DEF8: variants seen among roughly 807,000 people sequenced by gnomAD.
DEF8 encodes DEF-8.
A neutral mutation model predicts 59.1 loss-of-function variants in DEF8; 38 were observed. The observed-to-expected ratio is 0.64, with a 90% CI of 0.50 to 0.84. The LOEUF is 0.84. Among genes scored for constraint, DEF8 ranks in the 40% least tolerant of loss-of-function variants. The pLI is 0.00. For missense variants in DEF8, 557 were observed against 615.2 expected, an observed-to-expected ratio of 0.91 and a Z score of 1.00; for synonymous variants, 265 against 250.1, an observed-to-expected ratio of 1.06 and a Z score of -0.56.
At chr16:89,958,629 C>T in intron 5 of DEF8, 1 of 219,484 alleles carries the variant, frequency 4.6e-6, no homozygotes, top group Non-Finnish European at 9.3e-6. Flanking sequence ...TGGTCTGGGG[C>T]CTCTATGACA....
At chr16:89,964,128 C>T (rs778723799) in intron 10 of DEF8, 42 bp from the exon 11 acceptor site, 8 of 1,613,750 alleles carry the variant, frequency 5.0e-6, no homozygotes, top group Non-Finnish European at 5.1e-6. Flanking sequence ...GTGGGAGGGG[C>T]CCTCCCCGGT....
rs1043098306 is a variant in DEF8, at chr16:89,959,436, G to C, written c.514+281G>C. The C allele has an allele frequency of 2.9e-6, 3 of 1,029,500 alleles. No individual in the cohort carries two copies. The African/African-American group carries it at 4.8e-5, about 17-fold the overall frequency. 63.8% of individuals were successfully genotyped at this position (1,029,500 alleles called of 1,614,324 possible). ...GCACGTGTTAGGGTGGAGTGAATGT[G>C]ACTTTAGGGCAGAATGTAAAGGCAT... On this transcript the variant is annotated intron_variant, in intron 6 of 12. Coordinates refer to ENST00000563594, the MANE Select transcript of DEF8 (RefSeq NM_001242818.2).
intron 12 of DEF8, among the ~76,000 whole-genome samples, chr16:89,965,583 G>C (rs191517474): frequency 2.0e-5 from 3 of 152,200 alleles, no homozygotes; most frequent in African/African-American, 7.2e-5. Context: ...TCTGAGTCGA[G>C]TCTGGCGTGG....
intron 2 of DEF8, among the ~76,000 whole-genome samples, chr16:89,953,032 CAG>C (rs2032482202): frequency 6.6e-6 from 1 of 152,214 alleles, no homozygotes; most frequent in Non-Finnish European, 1.5e-5. Flanking sequence ...GGAGAAGAGA[CAG>C]AGGATAAATC....
intron 9 of DEF8, among the ~76,000 whole-genome samples, chr16:89,962,589 G>A (rs879336069): frequency 4.8e-4 from 73 of 152,284 alleles, no homozygotes; most frequent in African/African-American, 1.6e-3. Context: ...CCGGGAGGCT[G>A]AGGTTGCTGT....
chr16:89,963,429 C>CA lies in DEF8; in HGVS notation c.988_989insA (p.Arg330GlnfsTer62). 1 of 1,613,556 alleles carries CA rather than the reference C, an allele frequency of 6.2e-7. No individual in the cohort carries two copies. Among genetic ancestry groups the CA allele is most frequent in the Non-Finnish European group, 8.5e-7 (1 of 1,179,746 alleles). On this transcript the variant is annotated frameshift_variant, in exon 10 of 13. Transcript: ENST00000563594. LOFTEE classifies it high-confidence loss of function. ...CACCTGCAGGGAGGCCATGGAGGCT[C>CA]GTCTGCTGCTGCAGGTCAGACTGCC...
intron 3 of DEF8, 51 bp from the exon 4 acceptor site, chr16:89,955,118 G>C (rs547013488): frequency 1.4e-6 from 2 of 1,431,404 alleles, no homozygotes; most frequent in African/African-American, 1.4e-5. Flanking sequence ...TAGGGGATGG[G>C]AGGCAGGAGG....
rs932584863 is a variant in DEF8 at position 89,966,114 on chromosome 16, C to T, written c.*151C>T. On this transcript the variant is annotated 3_prime_UTR_variant, in exon 13 of 13. Transcript: ENST00000563594. ...AGAGCGGGTGGGCAGTGTCAAGGCC[C>T]GCTGTCTCCCAGGTGCTTGCTGGGA... 13 of 583,634 alleles carry T rather than the reference C, an allele frequency of 2.2e-5. No homozygotes were observed. Among genetic ancestry groups the T allele is most frequent in the African/African-American group, 1.7e-4 (9 of 53,014 alleles). 36.2% of individuals were successfully genotyped at this position (583,634 alleles called of 1,614,324 possible).
intron 1 of DEF8, 27 bp downstream of exon 1, chr16:89,948,841 G>T: frequency 1.2e-6 from 1 of 865,132 alleles, no homozygotes; most frequent in African/African-American, 2.6e-5. Context: ...CGGCGGGGTC[G>T]GGGCCGGCGG....
chr16:89,965,289 A>C (rs2034508430), intron 12 of DEF8, among the ~76,000 whole-genome samples: 1 of 152,080 alleles, frequency 6.6e-6, no homozygotes, highest in Non-Finnish European at 1.5e-5. Context: ...ACTCCCCCCC[A>C]GTTTCTGTCC....
chr16:89,967,662 CAA>C lies in DEF8; in HGVS notation c.*1701_*1702del. The C allele has an allele frequency of 2.5e-6, 1 of 395,618 alleles. No homozygotes were observed. The highest frequency in any genetic ancestry group is 4.4e-6 in the Non-Finnish European group (1 of 224,720). 24.5% of individuals were successfully genotyped at this position (395,618 alleles called of 1,614,324 possible). ...GGCCAAATGCTGTTTCCCAACACCCCAAAGTCTGCACACGTCTCATGAATGCA... is the reference window on the plus strand; with the variant it reads ...GGCCAAATGCTGTTTCCCAACACCCCAGTCTGCACACGTCTCATGAATGCA... On this transcript the variant is annotated 3_prime_UTR_variant, in exon 13 of 13. Coordinates refer to ENST00000563594, the MANE Select transcript of DEF8 (RefSeq NM_001242818.2).
rs778003376 is a variant in DEF8 at position 89,964,453 on chromosome 16, CTG to C, written c.1144-11_1144-10del. ...GACGTGCCCGTGCCCCAACCCCACACTGTTCCCCCCAGCGGTGCCAGGCCAAG... is the reference window on the plus strand; with the variant it reads ...GACGTGCCCGTGCCCCAACCCCACACTTCCCCCCAGCGGTGCCAGGCCAAG... On this transcript the variant is annotated splice_polypyrimidine_tract_variant and intron_variant, in intron 11 of 12. Transcript: ENST00000563594. The C allele has an allele frequency of 2.5e-6, 4 of 1,578,014 alleles. No homozygotes were observed. The African/African-American group carries it at 4.1e-5, about 16-fold the overall frequency.
At chr16:89,961,969 C>G (rs1348983951) in intron 8 of DEF8, 43 bp from the exon 9 acceptor site, 1 of 1,610,450 alleles carries the variant, frequency 6.2e-7, no homozygotes, top group Admixed American at 1.7e-5. Context: ...GCTGCACGGG[C>G]CCTGGGTGGG....
At chr16:89,952,157 G>C (rs535205895) in intron 2 of DEF8, among the ~76,000 whole-genome samples, 28 of 152,214 alleles carry the variant, frequency 1.8e-4, no homozygotes, top group Non-Finnish European at 3.2e-4. Flanking sequence ...GATTACAGGC[G>C]TGAGCCACGG....
intron 3 of DEF8, 113 bp from the exon 4 acceptor site, chr16:89,955,056 C>G (rs2032911962): frequency 1.3e-6 from 1 of 787,672 alleles, no homozygotes; most frequent in Non-Finnish European, 2.1e-6. Flanking sequence ...TGCCTCCTTT[C>G]TGTGCGGCTT....
At chr16:89,949,574 G>A in intron 2 of DEF8, 61 bp downstream of exon 2, 1 of 1,613,364 alleles carries the variant, frequency 6.2e-7, no homozygotes, top group Non-Finnish European at 8.5e-7. Flanking sequence ...GGTTCTCGGG[G>A]TGGCAGCTGC....
intron 4 of DEF8, 190 bp from the exon 5 acceptor site, chr16:89,957,321 C>T: frequency 1.7e-6 from 1 of 572,694 alleles, no homozygotes; most frequent in Admixed American, 3.4e-5. Context: ...GAGCACGCAG[C>T]ACCGGGTGGA....
At chr16:89,957,683 G>A (rs544074238) in intron 5 of DEF8, 23 bp downstream of exon 5, 45 of 1,530,416 alleles carry the variant, frequency 2.9e-5, no homozygotes, top group Admixed American at 2.6e-4. Context: ...CCGCCCCGCC[G>A]TGGGGCAGCC....
rs2034064439 is a variant in DEF8, at chr16:89,961,840, C to G, written c.783C>G (p.His261Gln). ...CTGTGATCCCTGCACGCGTTGTACA[C>G]AACTGGGACTTTGAGCCTCGAAAGG... ...DLAVIPARVV[H>Q]NWDFEPRKVS... The change falls in exon 8 of 13, where the codon CAC (histidine) becomes CAG (glutamine). Residue 261 changes from histidine (H) to glutamine (Q), a missense_variant. His to Gln is a conservative substitution (Grantham distance 24). Transcript: ENST00000563594. 1 of 1,606,576 alleles carries G rather than the reference C, an allele frequency of 6.2e-7. No homozygotes were observed. Among genetic ancestry groups the G allele is most frequent in the Non-Finnish European group, 8.5e-7 (1 of 1,175,314 alleles).
Sources: allele counts gnomAD v4.1 joint callset (sites outside exome capture counted in the v4.1 genomes callset), GRCh38; gene constraint gnomAD v4.1.1; transcripts MANE v1.5; gene names NCBI Gene and HGNC (gene_info 2026-07-23, HGNC 2026-07-21).